TMEM232: variants seen among roughly 807,000 people sequenced by gnomAD.
The protein encoded by TMEM232 is transmembrane protein 232.
Under a neutral mutation model 78.8 loss-of-function variants are expected in TMEM232, and 80 were observed. The observed-to-expected ratio is 1.01, with a 90% confidence interval of 0.85 to 1.22. The LOEUF is 1.22. Among genes scored for constraint, TMEM232 ranks in the 50% most tolerant of loss-of-function variants. The pLI, the probability that TMEM232 is intolerant of heterozygous loss-of-function variation, is 0.00. For synonymous variants in TMEM232, 297 were observed against 254.3 expected, an observed-to-expected ratio of 1.17 and a Z score of -1.60; for missense variants, 881 against 742.2, an observed-to-expected ratio of 1.19 and a Z score of -2.17.
chr5:110,554,853 G>T (rs1404591461), intron 11 of TMEM232, among the ~76,000 whole-genome samples: 1 of 152,102 alleles, frequency 6.6e-6, no homozygotes, highest in Non-Finnish European at 1.5e-5. Context: ...ATTGGTCTCT[G>T]TAGGGTTTTG....
chr5:110,476,602 A>C (rs926083623), intron 12 of TMEM232, among the ~76,000 whole-genome samples: 1 of 152,066 alleles, frequency 6.6e-6, no homozygotes, highest in African/African-American at 2.4e-5. Flanking sequence ...ATATAGAAAA[A>C]TGTTATTGTA....
At chr5:110,389,906 T>A (rs1425123274) in intron 4 of TMEM232, among the ~76,000 whole-genome samples, 1 of 152,182 alleles carries the variant, frequency 6.6e-6, no homozygotes, top group East Asian at 1.9e-4. Context: ...CAGGTCTGCC[T>A]ATATCATGTG....
chr5:110,661,757 T>C (rs780425378), intron 2 of TMEM232, among the ~76,000 whole-genome samples: 3 of 152,212 alleles, frequency 2.0e-5, no homozygotes, highest in African/African-American at 7.2e-5. Flanking sequence ...CTAATTTACA[T>C]TCCCACCAAC....
In TMEM232 at chr5:110,495,408, C is replaced by A. The variant is rs1023669054; in HGVS notation, c.1703+33180G>T. Among the ~76,000 whole-genome samples, 28 of 151,550 alleles carry A rather than the reference C, an allele frequency of 1.8e-4. 1 individual carries two copies. Among genetic ancestry groups the A allele is most frequent in the Admixed American group, 5.9e-4 (9 of 15,176 alleles). ...TTTTTTAAAGTTATCCCAGGTAGTTCTAATGTGCAATAAAGTATAATAACA... is the reference window on the plus strand; with the variant it reads ...TTTTTTAAAGTTATCCCAGGTAGTTATAATGTGCAATAAAGTATAATAACA... On this transcript the variant is annotated intron_variant, in intron 12 of 13. Coordinates refer to ENST00000455884, the MANE Select transcript of TMEM232 (RefSeq NM_001039763.4).
chr5:110,574,214 A>G (rs2149703524), intron 10 of TMEM232, among the ~76,000 whole-genome samples: 1 of 152,152 alleles, frequency 6.6e-6, no homozygotes, highest in Admixed American at 6.6e-5. Flanking sequence ...GCTACTTTGT[A>G]TTATAGCTTT....
At chr5:110,580,063 A>G (rs1015730506) in intron 10 of TMEM232, among the ~76,000 whole-genome samples, 2 of 151,804 alleles carry the variant, frequency 1.3e-5, no homozygotes, top group African/African-American at 4.8e-5. Context: ...CGGTCACAAT[A>G]GACTAAGAAA....
At chr5:110,676,050 T>C (rs1465068222) in intron 1 of TMEM232, among the ~76,000 whole-genome samples, 1 of 152,244 alleles carries the variant, frequency 6.6e-6, no homozygotes. Context: ...CTTATTTCAC[T>C]TAGCACAGTG....
intron 1 of TMEM232, among the ~76,000 whole-genome samples, chr5:110,693,956 C>A (rs1794447476): frequency 6.6e-6 from 1 of 151,974 alleles, no homozygotes; most frequent in Admixed American, 6.6e-5. Context: ...ACAGAGAATG[C>A]CACAAAGATA....
At chr5:110,511,229 G>C (rs1442089303) in intron 12 of TMEM232, among the ~76,000 whole-genome samples, 1 of 152,094 alleles carries the variant, frequency 6.6e-6, no homozygotes, top group African/African-American at 2.4e-5. Flanking sequence ...TCACTCGTAA[G>C]TGGGAGTTGA....
chr5:110,527,759 A>G (rs1770803991), intron 12 of TMEM232, among the ~76,000 whole-genome samples: 1 of 152,040 alleles, frequency 6.6e-6, no homozygotes, highest in Non-Finnish European at 1.5e-5. Flanking sequence ...CACTGAACAT[A>G]TCAAAAAATG....
chr5:110,470,219 G>C (rs1762527881), intron 12 of TMEM232, among the ~76,000 whole-genome samples: 1 of 152,166 alleles, frequency 6.6e-6, no homozygotes, highest in Non-Finnish European at 1.5e-5. Flanking sequence ...CTCTTCCCCA[G>C]GGACGGGCCT....
chr5:110,633,512 AGG>A (rs1785413592), intron 5 of TMEM232, among the ~76,000 whole-genome samples: 1 of 152,026 alleles, frequency 6.6e-6, no homozygotes, highest in South Asian at 2.1e-4. Context: ...GTGTTGAGGG[AGG>A]GAGGTGACTG....
chr5:110,683,636 T>C (rs1793032460), intron 1 of TMEM232, among the ~76,000 whole-genome samples: 1 of 151,912 alleles, frequency 6.6e-6, no homozygotes, highest in East Asian at 1.9e-4. Flanking sequence ...CTTTTAGTAG[T>C]TTTATTATTA....
intron 4 of TMEM232, among the ~76,000 whole-genome samples, chr5:110,638,681 A>AGCTGCC (rs1247231715): frequency 6.6e-6 from 1 of 152,146 alleles, no homozygotes; most frequent in Non-Finnish European, 1.5e-5. Context: ...TGGAACCCTA[A>AGCTGCC]GCTGCCATGT....
intron 10 of TMEM232, among the ~76,000 whole-genome samples, chr5:110,585,937 C>A (rs10052889): frequency 0.029 from 4,370 of 152,234 alleles, 213 homozygotes; most frequent in African/African-American, 0.1. Context: ...AAACTAGTCA[C>A]TACATACATT....
chr5:110,454,660 T>G lies in TMEM232; in HGVS notation c.1704-29744A>C, dbSNP rs547941574. ...AAAGAAAATGAAAGCACTGACAAAA[T>G]TTGGGAGATGCAGTTAAAGCAATAC... On this transcript the variant is annotated intron_variant, in intron 12 of 13. Transcript: ENST00000455884. 1.1e-3 allele frequency among the ~76,000 whole-genome samples: 166 copies of G among 151,616 alleles called. 1 individual carries two copies. The highest frequency in any genetic ancestry group is 3.9e-3 in the African/African-American group (162 of 41,344).
At chr5:110,494,706 T>C (rs899256194) in intron 12 of TMEM232, among the ~76,000 whole-genome samples, 1 of 152,034 alleles carries the variant, frequency 6.6e-6, no homozygotes. Flanking sequence ...TGAATGTCCA[T>C]TGACAGAGAC....
chr5:110,417,296 T>C (rs1488601083), downstream of TMEM232, among the ~76,000 whole-genome samples: 1 of 152,190 alleles, frequency 6.6e-6, no homozygotes, highest in Non-Finnish European at 1.5e-5. Context: ...TGTAGAATCT[T>C]TCTCTTTCTC....
At chr5:110,725,290 C>A (rs1798043264) in intron 1 of TMEM232, among the ~76,000 whole-genome samples, 1 of 152,174 alleles carries the variant, frequency 6.6e-6, no homozygotes, top group South Asian at 2.1e-4. Context: ...TACTCTACAT[C>A]TCTCTGAGTA....
Sources: gnomAD v4.1 joint callset for allele counts (sites outside exome capture counted in the v4.1 genomes callset) on GRCh38, gnomAD v4.1.1 for gene constraint, MANE v1.5 for transcripts, NCBI Gene and HGNC (gene_info 2026-07-23, HGNC 2026-07-21) for gene names.